ARHGEF28: variants seen among roughly 807,000 people sequenced by gnomAD.
ARHGEF28 encodes Rho guanine nucleotide exchange factor 28, also known as 190 kDa guanine nucleotide exchange factor.
A neutral mutation model predicts 206.6 loss-of-function variants in ARHGEF28; 152 were observed. The observed-to-expected ratio is 0.74, with a 90% CI of 0.64 to 0.84. The LOEUF is 0.84. Ranked by LOEUF, ARHGEF28 falls within the 40% of genes least tolerant of loss-of-function variation. ARHGEF28 has a pLI of 0.00. For synonymous variants in ARHGEF28, 763 were observed against 776.4 expected (o/e 0.98, Z 0.29); for missense variants, 2,028 against 2,073.2 (o/e 0.98, Z 0.42).
chr5:73,842,244 A>T (rs962971655), intron 11 of ARHGEF28, among the ~76,000 whole-genome samples: 3 of 152,244 alleles, frequency 2.0e-5, no homozygotes, highest in Non-Finnish European at 4.4e-5. Flanking sequence ...AAATGAATCA[A>T]AGTGAACATA....
At chr5:73,731,592 A>G (rs1394762691) in intron 2 of ARHGEF28, among the ~76,000 whole-genome samples, 2 of 152,270 alleles carry the variant, frequency 1.3e-5, no homozygotes, top group South Asian at 2.1e-4. Flanking sequence ...TTGTTTTTGA[A>G]GGGATAGGGT....
chr5:73,925,950 T>C (rs1283829572), intron 35 of ARHGEF28, among the ~76,000 whole-genome samples: 1 of 152,224 alleles, frequency 6.6e-6, no homozygotes, highest in African/African-American at 2.4e-5. Context: ...TATATTTCTC[T>C]TGGATTAATA....
At chr5:73,867,787 C>T in intron 18 of ARHGEF28, 89 bp from the exon 19 acceptor site, 5 of 1,535,904 alleles carry the variant, frequency 3.3e-6, no homozygotes, top group Non-Finnish European at 4.4e-6. Context: ...GTAGTCATTG[C>T]AGGGTTTAGC....
In ARHGEF28 at chr5:73,885,847, C is replaced by G. The variant is rs1761247423; in HGVS notation, c.3056-3C>G. The G allele has an allele frequency of 1.3e-6, 2 of 1,597,286 alleles. No homozygotes were observed. The highest frequency in any genetic ancestry group is 1.7e-6 in the Non-Finnish European group (2 of 1,173,592). ...TGTTTGTTTGTTTCTTTTTCCCACGCAGAAAGAACTGAGGAACATAAAGAC... is the reference window on the plus strand; with the variant it reads ...TGTTTGTTTGTTTCTTTTTCCCACGGAGAAAGAACTGAGGAACATAAAGAC... On this transcript the variant is annotated splice_region_variant and splice_polypyrimidine_tract_variant and intron_variant, in intron 24 of 35. Coordinates refer to ENST00000513042, the MANE Select transcript of ARHGEF28 (RefSeq NM_001177693.2).
intron 2 of ARHGEF28, among the ~76,000 whole-genome samples, chr5:73,696,618 G>A (rs1028420703): frequency 4.6e-5 from 7 of 152,198 alleles, no homozygotes; most frequent in South Asian, 2.1e-4. Context: ...CTTTATAAAC[G>A]AATATTCATT....
chr5:73,795,403 C>T lies in ARHGEF28; in HGVS notation c.1024+12C>T, dbSNP rs2973548. ...CAGCCTAGATTTGGGTATGAAATAA[C>T]GCTTTTACCTATACTCGTAGGGGCA... On this transcript the variant is annotated intron_variant, in intron 9 of 35. Coordinates refer to ENST00000513042, the MANE Select transcript of ARHGEF28 (RefSeq NM_001177693.2). 727,064 of 1,607,310 alleles carry T rather than the reference C, an allele frequency of 0.45. 167,395 individuals are homozygous for T. Among genetic ancestry groups the T allele is most frequent in the Non-Finnish European group, 0.48 (558,268 of 1,174,348 alleles).
At position 73,638,278 on chromosome 5, in the gene ARHGEF28, A is replaced by G. The variant is rs185814891; in HGVS notation, c.-12+11956A>G. Among the ~76,000 whole-genome samples, 44 of 152,324 alleles carry G rather than the reference A, an allele frequency of 2.9e-4. No individual in the cohort carries two copies. The East Asian group carries it at 8.3e-3, about 29-fold the overall frequency. Reference sequence around the variant, plus strand: ...ATTCCTTTATATTCCAGTTTGTTTTATTGTGGCAATATGCTTGCCATGACT... The same window carrying G: ...ATTCCTTTATATTCCAGTTTGTTTTGTTGTGGCAATATGCTTGCCATGACT... On this transcript the variant is annotated intron_variant, in intron 1 of 35. Coordinates refer to ENST00000513042, the MANE Select transcript of ARHGEF28 (RefSeq NM_001177693.2).
chr5:73,758,496 G>T (rs985253356), intron 4 of ARHGEF28, among the ~76,000 whole-genome samples: 33 of 152,158 alleles, frequency 2.2e-4, no homozygotes, highest in Non-Finnish European at 4.7e-4. Flanking sequence ...TGCTCATTAT[G>T]GAACAGGTGC....
At chr5:73,904,328 G>A in intron 32 of ARHGEF28, 30 bp from the exon 33 acceptor site, 1 of 1,612,980 alleles carries the variant, frequency 6.2e-7, no homozygotes, top group South Asian at 1.1e-5. Flanking sequence ...GCTTTTTCAA[G>A]AATTTGACAC....
At chr5:73,824,789 C>T (rs1310871339) in intron 9 of ARHGEF28, among the ~76,000 whole-genome samples, 1 of 151,798 alleles carries the variant, frequency 6.6e-6, no homozygotes, top group Non-Finnish European at 1.5e-5. Flanking sequence ...TTTTAAGAGT[C>T]GCTGATAGAG....
rs1023590875 is a variant in ARHGEF28, at chr5:73,851,441, G to A, written c.1748-1209G>A. On this transcript the variant is annotated intron_variant, in intron 13 of 35. Coordinates refer to ENST00000513042, the MANE Select transcript of ARHGEF28 (RefSeq NM_001177693.2). ...TTTTTGAGCCAAGAGTACGATGATGGCAACTTTATTTTTGATGTTTGTATA... is the reference window on the plus strand; with the variant it reads ...TTTTTGAGCCAAGAGTACGATGATGACAACTTTATTTTTGATGTTTGTATA... Among the ~76,000 whole-genome samples, 5 of 151,158 alleles carry A rather than the reference G, an allele frequency of 3.3e-5. No individual in the cohort carries two copies. The South Asian group carries it at 6.3e-4, about 19-fold the overall frequency.
chr5:73,632,838 G>T (rs375066146), intron 1 of ARHGEF28, among the ~76,000 whole-genome samples: 1 of 152,080 alleles, frequency 6.6e-6, no homozygotes, highest in African/African-American at 2.4e-5. Context: ...CCAGGGATTC[G>T]TGTTGTAGAA....
chr5:73,895,331 T>C (rs956003174), intron 29 of ARHGEF28, among the ~76,000 whole-genome samples: 3 of 151,904 alleles, frequency 2.0e-5, no homozygotes, highest in Non-Finnish European at 4.4e-5. Flanking sequence ...AAGGACTAAG[T>C]TTATAGAATT....
At chr5:73,708,838 G>A (rs1454631193) in intron 2 of ARHGEF28, among the ~76,000 whole-genome samples, 1 of 152,152 alleles carries the variant, frequency 6.6e-6, no homozygotes, top group Non-Finnish European at 1.5e-5. Flanking sequence ...CAGTGTATAA[G>A]CATTCCCTTT....
intron 16 of ARHGEF28, chr5:73,863,453 T>A (rs1298497376): frequency 6.6e-6 from 1 of 152,102 alleles, no homozygotes; most frequent in Non-Finnish European, 1.5e-5. Flanking sequence ...GTCTTTCAAG[T>A]GTAATTTCAT....
chr5:73,665,310 A>T (rs1015667207), intron 1 of ARHGEF28, among the ~76,000 whole-genome samples: 2 of 152,166 alleles, frequency 1.3e-5, no homozygotes, highest in Admixed American at 6.5e-5. Flanking sequence ...TCCTACTACC[A>T]TTCCCTTAGT....
intron 9 of ARHGEF28, among the ~76,000 whole-genome samples, 184 bp from the exon 10 acceptor site, chr5:73,832,154 A>G (rs1378596166): frequency 6.6e-6 from 1 of 152,210 alleles, no homozygotes; most frequent in Non-Finnish European, 1.5e-5. Flanking sequence ...CCTACGTAAA[A>G]ATTCTAGATA....
At chr5:73,666,269 G>A (rs1745950173) in intron 1 of ARHGEF28, among the ~76,000 whole-genome samples, 2 of 152,172 alleles carry the variant, frequency 1.3e-5, no homozygotes, top group Non-Finnish European at 2.9e-5. Flanking sequence ...GGTGGGGGTT[G>A]GACCTCCAAG....
intron 35 of ARHGEF28, among the ~76,000 whole-genome samples, chr5:73,926,926 G>T (rs1321536214): frequency 1.3e-5 from 2 of 152,194 alleles, no homozygotes; most frequent in East Asian, 1.9e-4. Context: ...AGTAGCTGAT[G>T]CTAGTCTTCA....
Sources: gnomAD v4.1 joint callset for allele counts (sites outside exome capture counted in the v4.1 genomes callset) on GRCh38, gnomAD v4.1.1 for gene constraint, MANE v1.5 for transcripts, NCBI Gene and HGNC (gene_info 2026-07-23, HGNC 2026-07-21) for gene names.